Variants in MTA3 observed in about 807,000 individuals in gnomAD.
The protein encoded by MTA3 is metastasis-associated protein MTA3.
A neutral mutation model predicts 83.5 loss-of-function variants in MTA3; 34 were observed. That is an observed-to-expected ratio of 0.41 (90% CI 0.31 to 0.54). The LOEUF is 0.54. MTA3 is among the 20% of genes least tolerant of loss of function. The pLI, the probability that MTA3 is intolerant of heterozygous loss-of-function variation, is 0.33. For missense variants in MTA3, 761 were observed against 726.4 expected, an observed-to-expected ratio of 1.05 and a Z score of -0.55; for synonymous variants, 303 against 252.7, an observed-to-expected ratio of 1.20 and a Z score of -1.89.
intron 16 of MTA3, among the ~76,000 whole-genome samples, chr2:42,737,999 T>C (rs1005500146): frequency 6.6e-6 from 1 of 152,202 alleles, no homozygotes; most frequent in African/African-American, 2.4e-5. Context: ...TGATGGCACA[T>C]ATCTGTAATC....
At position 42,572,206 on chromosome 2, in the gene MTA3, G is replaced by C. The variant is rs575058543; in HGVS notation, c.96+1702G>C. On this transcript the variant is annotated intron_variant, in intron 2 of 16. Coordinates refer to ENST00000405094, the MANE Select transcript of MTA3 (RefSeq NM_001330442.2). ...GGGCAGGAGAATGGGGTGAACCTGGGGGGTGGAGCTTGCAGTGAGCCGAGA... is the reference window on the plus strand; with the variant it reads ...GGGCAGGAGAATGGGGTGAACCTGGCGGGTGGAGCTTGCAGTGAGCCGAGA... Among the ~76,000 whole-genome samples, 272 of 152,004 alleles carry C rather than the reference G, an allele frequency of 1.8e-3. 1 individual carries two copies. Among genetic ancestry groups the C allele is most frequent in the Non-Finnish European group, 3.3e-3 (221 of 67,980 alleles).
intron 9 of MTA3, among the ~76,000 whole-genome samples, chr2:42,688,979 G>T (rs1289703617): frequency 6.6e-6 from 1 of 151,908 alleles, no homozygotes; most frequent in Non-Finnish European, 1.5e-5. Flanking sequence ...GTTTTTGTAT[G>T]TATCTTTTAA....
At chr2:42,520,844 G>A (rs968875614) in intron 2 of MTA3, among the ~76,000 whole-genome samples, 1 of 152,136 alleles carries the variant, frequency 6.6e-6, no homozygotes, top group East Asian at 1.9e-4. Flanking sequence ...GGGATTACAG[G>A]TGTGAGCCAC....
At chr2:42,740,775 G>T (rs965722245) in intron 16 of MTA3, among the ~76,000 whole-genome samples, 2 of 152,214 alleles carry the variant, frequency 1.3e-5, no homozygotes, top group South Asian at 2.1e-4. Context: ...AGGCTTTGTT[G>T]TTCTATTTAT....
At chr2:42,675,039 G>T (rs1691210233) in intron 8 of MTA3, among the ~76,000 whole-genome samples, 1 of 151,642 alleles carries the variant, frequency 6.6e-6, no homozygotes, top group African/African-American at 2.4e-5. Flanking sequence ...GGCCTCCCAG[G>T]GCCTCTCAAA....
In MTA3 at chr2:42,615,451, G is replaced by A. The variant is rs1558503507; in HGVS notation, c.317+5867G>A. Among the ~76,000 whole-genome samples, 3 of 151,762 alleles carry A rather than the reference G, an allele frequency of 2.0e-5. No individual in the cohort carries two copies. The South Asian group carries it at 6.2e-4, about 31-fold the overall frequency. ...ATTCACTGCAACCTCTGCCTCCCAG[G>A]TTCAAGCGATTCTCTTGTCTCTGCC... On this transcript the variant is annotated intron_variant, in intron 4 of 16. Transcript: ENST00000405094.
At chr2:42,596,067 C>T (rs1681756952) in intron 3 of MTA3, among the ~76,000 whole-genome samples, 1 of 152,130 alleles carries the variant, frequency 6.6e-6, no homozygotes, top group African/African-American at 2.4e-5. Context: ...AAAACTTTTT[C>T]TTATTTCTAA....
chr2:42,732,813 G>T (rs908341857), intron 16 of MTA3, among the ~76,000 whole-genome samples: 1 of 152,134 alleles, frequency 6.6e-6, no homozygotes, highest in African/African-American at 2.4e-5. Flanking sequence ...CAAGTTCAAA[G>T]TTCCACAAAT....
chr2:42,577,208 T>C (rs1409985513), intron 2 of MTA3, among the ~76,000 whole-genome samples: 1 of 150,166 alleles, frequency 6.7e-6, no homozygotes, highest in Non-Finnish European at 1.5e-5. Context: ...CCATTAACAG[T>C]TGCAGACTGG....
chr2:42,644,766 A>G (rs753325827), intron 6 of MTA3, among the ~76,000 whole-genome samples: 2 of 152,150 alleles, frequency 1.3e-5, no homozygotes, highest in Non-Finnish European at 2.9e-5. Context: ...TCTTAGAGGT[A>G]ACTATTGTAA....
At chr2:42,585,149 C>T (rs148890899) in intron 3 of MTA3, among the ~76,000 whole-genome samples, 19,751 of 151,496 alleles carry the variant, frequency 0.13, 1,488 homozygotes, top group South Asian at 0.23. Flanking sequence ...AGTGCAATGG[C>T]GCGATCTCCG....
At chr2:42,575,050 C>T (rs1017264545) in intron 2 of MTA3, among the ~76,000 whole-genome samples, 1 of 152,194 alleles carries the variant, frequency 6.6e-6, no homozygotes, top group Non-Finnish European at 1.5e-5. Flanking sequence ...AAATAGAAAT[C>T]TTGACCTATG....
At chr2:42,611,341 C>CACATACACACACA (rs1462110821) in intron 4 of MTA3, among the ~76,000 whole-genome samples, 1 of 149,514 alleles carries the variant, frequency 6.7e-6, no homozygotes, top group African/African-American at 2.5e-5. Context: ...ACACACACAC[C>CACATACACACACA]CCCTCACACA....
intron 8 of MTA3, among the ~76,000 whole-genome samples, chr2:42,667,570 TTGTGTGTGTG>T (rs1553379043): frequency 3.2e-4 from 47 of 145,120 alleles, no homozygotes; most frequent in Non-Finnish European, 4.4e-4. Context: ...CATTTAAAAA[TTGTGTGTGTG>T]TGTGTGTGTG....
intron 8 of MTA3, among the ~76,000 whole-genome samples, chr2:42,668,290 G>A (rs572644630): frequency 1.3e-5 from 2 of 152,302 alleles, no homozygotes; most frequent in South Asian, 4.1e-4. Flanking sequence ...ACAACTGACT[G>A]ATTTATTCAG....
chr2:42,568,956 C>A (rs1319902456), intron 1 of MTA3, among the ~76,000 whole-genome samples, 183 bp downstream of exon 1: 3 of 151,966 alleles, frequency 2.0e-5, no homozygotes, highest in Non-Finnish European at 4.4e-5. Flanking sequence ...CCCCTCCCCC[C>A]ACGCGGGCTC....
intron 6 of MTA3, 100 bp downstream of exon 6, chr2:42,644,344 C>A (rs1687967543): frequency 1.5e-6 from 1 of 685,154 alleles, no homozygotes; most frequent in Non-Finnish European, 2.4e-6. Context: ...AGGGCAAAGT[C>A]TAAAAGTTAT....
At chr2:42,507,458 C>G (rs900459498) in intron 2 of MTA3, among the ~76,000 whole-genome samples, 2 of 151,764 alleles carry the variant, frequency 1.3e-5, no homozygotes, top group South Asian at 4.2e-4. Context: ...AGCCACTGTG[C>G]CTGGCTGAGA....
intron 2 of MTA3, among the ~76,000 whole-genome samples, chr2:42,559,329 C>G (rs1558435526): frequency 6.6e-6 from 1 of 151,222 alleles, no homozygotes; most frequent in African/African-American, 2.4e-5. Context: ...TGGTGAAACC[C>G]TGTCTCTACT....
Sources: gnomAD v4.1 joint callset for allele counts (sites outside exome capture counted in the v4.1 genomes callset) on GRCh38, gnomAD v4.1.1 for gene constraint, MANE v1.5 for transcripts, NCBI Gene and HGNC (gene_info 2026-07-23, HGNC 2026-07-21) for gene names.